ZSCAN25: variants seen among roughly 807,000 people sequenced by gnomAD.
ZSCAN25 encodes zinc finger and SCAN domain containing 25.
Under a neutral mutation model 38.7 loss-of-function variants are expected in ZSCAN25, and 27 were observed. The ratio of observed to expected loss-of-function variants is 0.70; its 90% CI spans 0.51 to 0.96. ZSCAN25 has a LOEUF of 0.96. ZSCAN25 is among the 40% of genes least tolerant of loss of function. The pLI is 0.00. For synonymous variants in ZSCAN25, 273 were observed against 277.7 expected, an observed-to-expected ratio of 0.98 and a Z score of 0.17; for missense variants, 637 against 705.9, an observed-to-expected ratio of 0.90 and a Z score of 1.11.
the ZSCAN25 span, chr7:99,679,781 C>A: frequency 6.3e-7 from 1 of 1,595,710 alleles, no homozygotes; most frequent in Non-Finnish European, 8.6e-7. Flanking sequence ...CGATTAGCAC[C>A]CCAAGTCCAA....
the ZSCAN25 span, among the ~76,000 whole-genome samples, chr7:99,737,046 G>C: frequency 6.6e-6 from 1 of 152,182 alleles, no homozygotes; most frequent in Non-Finnish European, 1.5e-5. Flanking sequence ...ACAGACACGG[G>C]TAGGTGGGTG....
chr7:99,684,328 T>G, the ZSCAN25 span, among the ~76,000 whole-genome samples: 2 of 151,952 alleles, frequency 1.3e-5, no homozygotes, highest in Non-Finnish European at 2.9e-5. Context: ...CCACCACACC[T>G]AGCTAATTTT....
chr7:99,643,481 TCAC>T, the ZSCAN25 span, among the ~76,000 whole-genome samples: 1 of 152,138 alleles, frequency 6.6e-6, no homozygotes, highest in African/African-American at 2.4e-5. Context: ...ATTATATTCT[TCAC>T]CATTACAGCA....
At chr7:99,678,412 C>T in the ZSCAN25 span, among the ~76,000 whole-genome samples, 1 of 152,222 alleles carries the variant, frequency 6.6e-6, no homozygotes, top group African/African-American at 2.4e-5. Context: ...TGCTTACTCC[C>T]CTGTCCTGAG....
chr7:99,665,365 T>A, the ZSCAN25 span: 1 of 1,606,984 alleles, frequency 6.2e-7, no homozygotes. Context: ...TTACCGTCCT[T>A]CCACTATACA....
At chr7:99,622,072 G>C in intron 5 of ZSCAN25, 2 of 170,898 alleles carry the variant, frequency 1.2e-5, no homozygotes, top group African/African-American at 2.4e-5. Context: ...CTACAGGCAT[G>C]TGCCACCATG....
the ZSCAN25 span, among the ~76,000 whole-genome samples, chr7:99,651,332 A>T: frequency 2.0e-5 from 3 of 152,220 alleles, no homozygotes; most frequent in African/African-American, 7.2e-5. Flanking sequence ...TTATGGATTT[A>T]TATAAATCAT....
the ZSCAN25 span, chr7:99,708,972 A>G: frequency 6.2e-5 from 98 of 1,568,564 alleles, 1 homozygote; most frequent in East Asian, 2.2e-3. Context: ...TGTCCTGTAG[A>G]GAGGCAGAAT....
chr7:99,630,133 G>C lies in ZSCAN25; in HGVS notation c.*113G>C. The stretch of plus-strand genomic sequence containing the variant: ...GGTCCCATCGCCTTCCCACCCATTC[G>C]CCAACGCGGGAAAGGCAAGGCCTGG... On this transcript the variant is annotated 3_prime_UTR_variant, in exon 8 of 8. Coordinates refer to ENST00000394152, the MANE Select transcript of ZSCAN25 (RefSeq NM_145115.3). The C allele has an allele frequency of 1.5e-5, 21 of 1,426,452 alleles. No homozygotes were observed. Among genetic ancestry groups the C allele is most frequent in the Non-Finnish European group, 1.8e-5 (20 of 1,094,182 alleles). 88.4% of individuals were successfully genotyped at this position (1,426,452 alleles called of 1,614,324 possible). A position where few individuals can be genotyped will look rare whatever the true frequency, so the allele number is the denominator to read the frequency against.
At chr7:99,674,456 G>T in the ZSCAN25 span, 1 of 1,152,358 alleles carries the variant, frequency 8.7e-7, no homozygotes, top group Non-Finnish European at 1.3e-6. Flanking sequence ...ATGAAGACCT[G>T]GGCAGAGACT....
chr7:99,637,668 A>T, the ZSCAN25 span, among the ~76,000 whole-genome samples: 1 of 152,234 alleles, frequency 6.6e-6, no homozygotes, highest in African/African-American at 2.4e-5. Flanking sequence ...CTGTGGGCTA[A>T]GTTTACTATA....
the ZSCAN25 span, chr7:99,714,783 C>T: frequency 1.3e-6 from 2 of 1,543,698 alleles, no homozygotes; most frequent in Non-Finnish European, 1.7e-6. Flanking sequence ...GAGTGAAATA[C>T]ATCAGTGTTC....
the ZSCAN25 span, chr7:99,672,471 C>A: frequency 3.2e-6 from 3 of 934,876 alleles, no homozygotes; most frequent in South Asian, 1.5e-5. Context: ...GTACATGGAA[C>A]CTTCCTGTAC....
chr7:99,634,110 T>C (rs1018124056), downstream of ZSCAN25, among the ~76,000 whole-genome samples: 1 of 152,212 alleles, frequency 6.6e-6, no homozygotes, highest in Non-Finnish European at 1.5e-5. Flanking sequence ...TCTGGCTGCA[T>C]GTGCCGTGCT....
intron 4 of ZSCAN25, 107 bp downstream of exon 4, chr7:99,620,100 C>T (rs1806819594): frequency 2.8e-6 from 4 of 1,408,864 alleles, no homozygotes; most frequent in South Asian, 3.0e-5. Context: ...GTGGAGCCGC[C>T]CTCCTCTGCC....
At chr7:99,685,376 T>A in the ZSCAN25 span, 1 of 1,118,130 alleles carries the variant, frequency 8.9e-7, no homozygotes, top group Admixed American at 2.1e-5. Flanking sequence ...TTCAGGGAGG[T>A]AAAGCAAGAC....
the ZSCAN25 span, chr7:99,660,526 C>T: frequency 6.2e-7 from 1 of 1,613,442 alleles, no homozygotes; most frequent in Non-Finnish European, 8.5e-7. Context: ...CATCAATCTC[C>T]TTTTGCAGTT....
the ZSCAN25 span, among the ~76,000 whole-genome samples, chr7:99,692,809 G>A: frequency 6.6e-6 from 1 of 152,020 alleles, no homozygotes; most frequent in Non-Finnish European, 1.5e-5. Context: ...CTTTTTCCAA[G>A]GTTGTTAGCT....
At chr7:99,730,920 G>A in the ZSCAN25 span, 30 of 1,171,004 alleles carry the variant, frequency 2.6e-5, no homozygotes, top group South Asian at 1.2e-4. Flanking sequence ...ACTTTGCCAC[G>A]CTCTGGGTGA....
Sources: gnomAD v4.1 joint callset for allele counts (sites outside exome capture counted in the v4.1 genomes callset) on GRCh38, gnomAD v4.1.1 for gene constraint, MANE v1.5 for transcripts, NCBI Gene and HGNC (gene_info 2026-07-23, HGNC 2026-07-21) for gene names.